SF3A2: variants seen among roughly 807,000 people sequenced by gnomAD.
The protein encoded by SF3A2 is splicing factor 3a subunit 2.
SF3A2 carries 5 observed loss-of-function variants against 31.1 expected under a neutral mutation model. That is an observed-to-expected ratio of 0.16 (90% CI 0.08 to 0.34). SF3A2 has a LOEUF of 0.34. Ranked by LOEUF, SF3A2 falls within the 10% of genes least tolerant of loss-of-function variation. The pLI is 1.00. For synonymous variants in SF3A2, 365 were observed against 263.7 expected, an observed-to-expected ratio of 1.38 and a Z score of -3.72; for missense variants, 577 against 643.9, an observed-to-expected ratio of 0.90 and a Z score of 1.13.
rs201484706 is a variant in SF3A2, at chr19:2,247,568, G to A, written c.547-26G>A. On this transcript the variant is annotated intron_variant, in intron 7 of 8. Transcript: ENST00000221494. Reference sequence around the variant, plus strand: ...CGCCCTGAGGTCACAGGGACCAGGAGCCCTCTCTGTCCCCCGCCCTCCCAG... The same window carrying A: ...CGCCCTGAGGTCACAGGGACCAGGAACCCTCTCTGTCCCCCGCCCTCCCAG... 1.0e-4 allele frequency: 161 copies of A among 1,612,030 alleles called. 1 individual carries two copies. The African/African-American group carries it at 1.8e-3, about 18-fold the overall frequency.
Position 2,246,344 on chromosome 19 carries a change from G to A in SF3A2, c.356-409G>A, listed in dbSNP as rs8103313. On this transcript the variant is annotated intron_variant, in intron 5 of 8. Transcript: ENST00000221494. This position sits in a 1 kb window ranked among gnomAD's most constrained non-coding sequence, Gnocchi z 5.5. ...GGGGTCCAGGCTGCTGAGCTCTGGC[G>A]GGAAGGGCATCCTCTCTCGCTCACC... Among the ~76,000 whole-genome samples, 563 of 152,264 alleles carry A rather than the reference G, an allele frequency of 3.7e-3. 7 individuals are homozygous for A. The highest frequency in any genetic ancestry group is 0.013 in the African/African-American group (521 of 41,552).
In SF3A2 at chr19:2,248,328, G is replaced by T. The variant is rs759249783; in HGVS notation, c.1177G>T (p.Val393Leu). The T allele has an allele frequency of 2.9e-6, 4 of 1,391,244 alleles. No individual in the cohort carries two copies. In the Admixed American group the frequency reaches 1.3e-4, roughly 46 times the overall value. 86.2% of individuals were successfully genotyped at this position (1,391,244 alleles called of 1,614,324 possible). A position where few individuals can be genotyped will look rare whatever the true frequency, so the allele number is the denominator to read the frequency against. Residue 393 changes from valine to leucine, a missense_variant, in exon 9 of 9, where the codon GTG becomes TTG. Physicochemically the swap from Val to Leu is conservative, Grantham distance 32 (BLOSUM62 1). Transcript: ENST00000221494. Reference protein sequence around the residue: ...APAVHPQAPGVHPPAPGMHPQ... With the variant: ...APAVHPQAPGLHPPAPGMHPQ... ...CGCCGTTCACCCTCAGGCCCCAGGG[G>T]TGCACCCACCAGCCCCAGGGATGCA...
At chr19:2,244,847 C>G (rs375959565) in intron 4 of SF3A2, 68 bp downstream of exon 4, 14 of 1,449,230 alleles carry the variant, frequency 9.7e-6, no homozygotes, top group Non-Finnish European at 1.2e-5. Flanking sequence ...CTGTGAGCCT[C>G]GCGGGCCACT....
In SF3A2 at chr19:2,248,436, C is replaced by T; in HGVS notation, c.1285C>T (p.His429Tyr). Residue 429 changes from histidine (H) to tyrosine (Y), a missense_variant, in exon 9 of 9, where the codon CAC becomes TAC. By Grantham distance (83) the His-to-Tyr change is moderately conservative. Around this residue, in one of 6 missense-constraint regions of SF3A2, gnomAD observed 462 missense variants for 339.1 expected, o/e 1.36. Coordinates refer to ENST00000221494, the MANE Select transcript of SF3A2 (RefSeq NM_007165.5). ...GGTCCACCCTCAGCCTCCGGGAGTT[C>T]ACCCCTCAAATCCTGGGGTGCACCC... ...PGVHPQPPGVHPSNPGVHPPT... is the reference protein window; with the variant it reads ...PGVHPQPPGVYPSNPGVHPPT... 2 of 1,368,662 alleles carry T rather than the reference C, an allele frequency of 1.5e-6. No individual in the cohort carries two copies. Among genetic ancestry groups the T allele is most frequent in the Non-Finnish European group, 1.9e-6 (2 of 1,061,992 alleles). The allele number at this position is 1,368,662 out of a possible 1,614,324, so 84.8% of individuals were successfully genotyped here. A position where few individuals can be genotyped will look rare whatever the true frequency, so the allele number is the denominator to read the frequency against.
intron 1 of SF3A2, among the ~76,000 whole-genome samples, chr19:2,239,862 C>T (rs1425511012): frequency 6.6e-6 from 1 of 152,082 alleles, no homozygotes; most frequent in Non-Finnish European, 1.5e-5. Context: ...TTTTCAAGGG[C>T]TTTTTGTTTT....
intron 2 of SF3A2, 38 bp from the exon 3 acceptor site, chr19:2,244,506 G>A (rs377082002): frequency 9.6e-5 from 150 of 1,570,458 alleles, no homozygotes; most frequent in Non-Finnish European, 1.2e-4. Flanking sequence ...AGCAGGCCGC[G>A]ATCTTCTGTC....
At chr19:2,247,069 C>T (rs1449886927) in intron 7 of SF3A2, 47 bp downstream of exon 7, 8 of 1,576,242 alleles carry the variant, frequency 5.1e-6, no homozygotes, top group Non-Finnish European at 6.0e-6. Context: ...ATGTGCAAGC[C>T]AGAAGGATCT....
chr19:2,241,717 G>C lies in SF3A2; in HGVS notation c.-37-1665G>C, dbSNP rs368408594. Among the ~76,000 whole-genome samples, 4 of 152,258 alleles carry C rather than the reference G, an allele frequency of 2.6e-5. No individual in the cohort carries two copies. The East Asian group carries it at 7.7e-4, about 29-fold the overall frequency. ...AGGCGGGGAGGGTTCCTTGGGGCCA[G>C]AGGGTGGCGTTCCCAGCAAAGGACA... On this transcript the variant is annotated intron_variant, in intron 1 of 8. Coordinates refer to ENST00000221494, the MANE Select transcript of SF3A2 (RefSeq NM_007165.5).
Position 2,246,646 on chromosome 19 carries a change from C to A in SF3A2, c.356-107C>A. On this transcript the variant is annotated intron_variant, in intron 5 of 8. Coordinates refer to ENST00000221494, the MANE Select transcript of SF3A2 (RefSeq NM_007165.5). The surrounding 1 kb of genome is among the most constrained non-coding windows in gnomAD (Gnocchi z 5.5). ...CTAATGGTTGCCAGAGCTGCAGGGCCTCCCCCGGGGTCCCGCTCTCGTTCA... is the reference window on the plus strand; with the variant it reads ...CTAATGGTTGCCAGAGCTGCAGGGCATCCCCCGGGGTCCCGCTCTCGTTCA... 7.7e-7 allele frequency: 1 copy of A among 1,302,028 alleles called. No homozygotes were observed. Among genetic ancestry groups the A allele is most frequent in the Non-Finnish European group, 1.1e-6 (1 of 925,134 alleles). 80.7% of individuals were successfully genotyped at this position (1,302,028 alleles called of 1,614,324 possible).
chr19:2,238,696 GT>G (rs1470205478), intron 1 of SF3A2, among the ~76,000 whole-genome samples: 2 of 152,048 alleles, frequency 1.3e-5, no homozygotes, highest in Non-Finnish European at 2.9e-5. Context: ...CCTGCTGTTT[GT>G]TTTTTCCCCA....
chr19:2,243,439 C>CG lies in SF3A2; in HGVS notation c.26dup (p.Lys10GlnfsTer16). ...TCACCATGGACTTCCAGCATCGCCCCGGGGGCAAGACCGGGAGCGGGGGCG... is the reference window on the plus strand; with the variant it reads ...TCACCATGGACTTCCAGCATCGCCCCGGGGGGCAAGACCGGGAGCGGGGGCG... On this transcript the variant is annotated frameshift_variant, in exon 2 of 9. Coordinates refer to ENST00000221494, the MANE Select transcript of SF3A2 (RefSeq NM_007165.5). LOFTEE classifies it high-confidence loss of function. 1 of 1,553,058 alleles carries CG rather than the reference C, an allele frequency of 6.4e-7. No individual in the cohort carries two copies. Among genetic ancestry groups the CG allele is most frequent in the Admixed American group, 2.1e-5 (1 of 47,706 alleles).
chr19:2,240,275 T>G (rs1421026554), intron 1 of SF3A2, among the ~76,000 whole-genome samples: 1 of 152,238 alleles, frequency 6.6e-6, no homozygotes, highest in Non-Finnish European at 1.5e-5. Flanking sequence ...CAGGTCGTGA[T>G]TCAGTCCCCC....
rs769234590 is a variant in SF3A2, at chr19:2,246,902, C to G, written c.426C>G (p.Ala142=). 1.2e-6 allele frequency: 2 copies of G among 1,610,062 alleles called. No homozygotes were observed. Among genetic ancestry groups the G allele is most frequent in the Non-Finnish European group, 1.7e-6 (2 of 1,178,236 alleles). The change falls in exon 7 of 9, where the codon GCC becomes GCG. Residue 142 remains alanine (A), a synonymous_variant. Coordinates refer to ENST00000221494, the MANE Select transcript of SF3A2 (RefSeq NM_007165.5). The surrounding 1 kb of genome is among the most constrained non-coding windows in gnomAD (Gnocchi z 5.5). ...TGCAGATTGACTACCCTGAGATCGC[C>G]GAGGGCATCATGCCACGTCACCGCT... is the stretch of plus-strand genomic sequence containing the variant. ...LLFQIDYPEI[A]EGIMPRHRFM...
chr19:2,243,326 C>A, intron 1 of SF3A2, 56 bp from the exon 2 acceptor site: 1 of 1,396,166 alleles, frequency 7.2e-7, no homozygotes, highest in South Asian at 1.5e-5. Flanking sequence ...AGGGAGGTCC[C>A]AGCAGCAGCC....
intron 2 of SF3A2, among the ~76,000 whole-genome samples, chr19:2,244,110 C>G (rs539555464): frequency 6.6e-6 from 1 of 152,334 alleles, no homozygotes; most frequent in Admixed American, 6.5e-5. Flanking sequence ...TTAGGGCCTG[C>G]AGATGGGCGG....
rs573616867 is a variant in SF3A2 at position 2,243,823 on chromosome 19, G to A, written c.126+279G>A. Among the ~76,000 whole-genome samples the A allele has an allele frequency of 3.3e-5, 5 of 152,350 alleles. No individual in the cohort carries two copies. In the East Asian group the frequency reaches 9.6e-4, roughly 29 times the overall value. On this transcript the variant is annotated intron_variant, in intron 2 of 8. Coordinates refer to ENST00000221494, the MANE Select transcript of SF3A2 (RefSeq NM_007165.5). The stretch of plus-strand genomic sequence containing the variant: ...TTTTCTGGGAGTGGGGAGAGCTGAT[G>A]TCAGTCCAGCCAGATGTGGTGAAGG...
chr19:2,247,289 C>T, intron 7 of SF3A2: 2 of 547,418 alleles, frequency 3.7e-6, no homozygotes, highest in South Asian at 2.5e-5. Flanking sequence ...AGTGACCTCA[C>T]TTCCTGGGCC....
Position 2,245,219 on chromosome 19 carries a change from T to C in SF3A2, c.246-227T>C. On this transcript the variant is annotated intron_variant, in intron 4 of 8. Coordinates refer to ENST00000221494, the MANE Select transcript of SF3A2 (RefSeq NM_007165.5). The surrounding 1 kb of genome is among the most constrained non-coding windows in gnomAD (Gnocchi z 4.2). ...AAAAAAAAAGAGCAGAGGCATGGAG[T>C]TGTTGGAAGGGCCCCAGCCAGGGAC... 2.0e-6 allele frequency: 1 copy of C among 504,582 alleles called. No individual in the cohort carries two copies. Among genetic ancestry groups the C allele is most frequent in the South Asian group, 3.3e-5 (1 of 30,590 alleles). The allele number at this position is 504,582 out of a possible 1,614,324, so 31.3% of individuals were successfully genotyped here.
rs376924611 is a variant in SF3A2 at position 2,246,903 on chromosome 19, G to A, written c.427G>A (p.Glu143Lys). 4 of 1,609,976 alleles carry A rather than the reference G, an allele frequency of 2.5e-6. No homozygotes were observed. Among genetic ancestry groups the A allele is most frequent in the South Asian group, 1.1e-5 (1 of 90,860 alleles). The change falls in exon 7 of 9, where the codon GAG becomes AAG. Residue 143 changes from glutamate to lysine, a missense_variant. This residue lies in a region of SF3A2 where 21 missense variants were observed against 38.6 expected (regional missense o/e 0.54). Coordinates refer to ENST00000221494, the MANE Select transcript of SF3A2 (RefSeq NM_007165.5). This position sits in a 1 kb window ranked among gnomAD's most constrained non-coding sequence, Gnocchi z 5.5. ...LFQIDYPEIA[E>K]GIMPRHRFMS... is the part of the protein sequence containing the mutation. ...GCAGATTGACTACCCTGAGATCGCC[G>A]AGGGCATCATGCCACGTCACCGCTT...
Sources: allele counts gnomAD v4.1 joint callset (sites outside exome capture counted in the v4.1 genomes callset), GRCh38; gene constraint gnomAD v4.1.1; regional missense constraint gnomAD v4.1.1; non-coding constraint Gnocchi (gnomAD v3.1); transcripts MANE v1.5; gene names NCBI Gene and HGNC (gene_info 2026-07-23, HGNC 2026-07-21).